The following OTOGL variants were observed in gnomAD, a reference collection of about 807,000 sequenced individuals.
OTOGL encodes the protein otogelin-like protein.
OTOGL carries 285 observed loss-of-function variants against 318.5 expected under a neutral mutation model. The observed-to-expected ratio is 0.89, with a 90% CI of 0.81 to 0.99. The LOEUF is 0.99. Among genes scored for constraint, OTOGL ranks in the 50% least tolerant of loss-of-function variants. The pLI is 0.00. For synonymous variants in OTOGL, 987 were observed against 936.5 expected, an observed-to-expected ratio of 1.05 and a Z score of -0.99; for missense variants, 2,899 against 2,845.6, an observed-to-expected ratio of 1.02 and a Z score of -0.43.
intron 11 of OTOGL, among the ~76,000 whole-genome samples, chr12:80,250,360 G>C (rs1468837722): frequency 6.6e-6 from 1 of 152,078 alleles, no homozygotes; most frequent in Non-Finnish European, 1.5e-5. Flanking sequence ...TAATGTGCCT[G>C]TCATGGTTCC....
intron 16 of OTOGL, 114 bp downstream of exon 16, chr12:80,255,299 A>C: frequency 9.6e-7 from 1 of 1,042,750 alleles, no homozygotes; most frequent in Non-Finnish European, 1.3e-6. Context: ...CTTAACACTA[A>C]GATGACATTG....
intron 18 of OTOGL, among the ~76,000 whole-genome samples, chr12:80,261,359 A>C (rs1188296711): frequency 2.6e-5 from 4 of 152,126 alleles, no homozygotes; most frequent in Non-Finnish European, 5.9e-5. Context: ...GTGGAATTGC[A>C]GTGTTTGTTT....
chr12:80,283,917 T>C (rs1249408474), intron 26 of OTOGL, among the ~76,000 whole-genome samples: 3 of 152,084 alleles, frequency 2.0e-5, no homozygotes, highest in African/African-American at 7.2e-5. Flanking sequence ...CGTGCAGGTT[T>C]GTTACATAGG....
chr12:80,322,363 G>T (rs1432282241), intron 34 of OTOGL, among the ~76,000 whole-genome samples: 1 of 152,154 alleles, frequency 6.6e-6, no homozygotes, highest in African/African-American at 2.4e-5. Context: ...GAGGCTTAGA[G>T]AACTGCAGCA....
intron 28 of OTOGL, among the ~76,000 whole-genome samples, chr12:80,304,573 T>C (rs959381989): frequency 2.0e-5 from 3 of 152,218 alleles, no homozygotes; most frequent in Non-Finnish European, 1.5e-5. Flanking sequence ...GATTGTATAT[T>C]GAAGTTATAG....
At chr12:80,220,061 A>G (rs1357347538) in intron 6 of OTOGL, 149 bp downstream of exon 6, 14 of 656,984 alleles carry the variant, frequency 2.1e-5, no homozygotes, top group Non-Finnish European at 3.3e-5. Flanking sequence ...TAATTTAGAA[A>G]CAAAGTAAAA....
chr12:80,276,160 G>T (rs1452099886), intron 24 of OTOGL, among the ~76,000 whole-genome samples: 1 of 151,754 alleles, frequency 6.6e-6, no homozygotes, highest in Admixed American at 6.6e-5. Context: ...TTTGGCTGGG[G>T]ATATAAGAAT....
intron 24 of OTOGL, among the ~76,000 whole-genome samples, chr12:80,274,518 A>C (rs1432063027): frequency 6.6e-6 from 1 of 152,086 alleles, no homozygotes; most frequent in Non-Finnish European, 1.5e-5. Flanking sequence ...AACTATCTCC[A>C]TAACATAAAA....
rs1442815078 is a variant in OTOGL at position 80,296,944 on chromosome 12, G to T, written c.3046G>T (p.Asp1016Tyr). The change falls in exon 27 of 59, where the codon GAT becomes TAT. Residue 1016 changes from aspartate to tyrosine, a missense_variant. Transcript: ENST00000547103. ...SVGDTEIYLN[D>Y]TPYKQKQSGF... is the part of the protein sequence containing the mutation. ...TGGGGACACTGAAATTTACCTGAATGATACTCCTTACAAACAGGTTAGTGA... is the reference window on the plus strand; with the variant it reads ...TGGGGACACTGAAATTTACCTGAATTATACTCCTTACAAACAGGTTAGTGA... 2 of 1,551,624 alleles carry T rather than the reference G, an allele frequency of 1.3e-6. No individual in the cohort carries two copies. Among genetic ancestry groups the T allele is most frequent in the Non-Finnish European group, 1.7e-6 (2 of 1,150,724 alleles).
At chr12:80,186,193 AGTT>A (rs1565892345) in intron 1 of OTOGL, among the ~76,000 whole-genome samples, 3 of 152,216 alleles carry the variant, frequency 2.0e-5, no homozygotes, top group South Asian at 2.1e-4. Context: ...GCTTCAAAAC[AGTT>A]GTTTTTTTCT....
chr12:80,190,644 G>A (rs1282337167), intron 1 of OTOGL, among the ~76,000 whole-genome samples: 1 of 151,926 alleles, frequency 6.6e-6, no homozygotes, highest in African/African-American at 2.4e-5. Context: ...AAAATTAGCC[G>A]GGCGTGGTGG....
intron 1 of OTOGL, among the ~76,000 whole-genome samples, chr12:80,130,729 T>G (rs936518251): frequency 6.6e-6 from 1 of 152,238 alleles, no homozygotes; most frequent in Non-Finnish European, 1.5e-5. Context: ...TAGGCTGATT[T>G]GCCAGAGAGC....
At chr12:80,359,000 T>C in intron 52 of OTOGL, 100 bp downstream of exon 52, 1 of 974,854 alleles carries the variant, frequency 1.0e-6, no homozygotes, top group Non-Finnish European at 1.5e-6. Flanking sequence ...GTTAATAAAA[T>C]TACCCACATT....
intron 57 of OTOGL, among the ~76,000 whole-genome samples, chr12:80,372,582 A>C (rs1204948896): frequency 6.6e-6 from 1 of 152,132 alleles, no homozygotes; most frequent in Non-Finnish European, 1.5e-5. Context: ...TTAGTAAATA[A>C]TATTTATATC....
intron 44 of OTOGL, among the ~76,000 whole-genome samples, chr12:80,350,401 T>C (rs1889470494): frequency 6.6e-6 from 1 of 152,232 alleles, no homozygotes; most frequent in Admixed American, 6.5e-5. Flanking sequence ...ACTGATTTCA[T>C]TTCCTTTGGA....
chr12:80,108,787 G>A (rs11114319), intron 1 of OTOGL, among the ~76,000 whole-genome samples: 17 of 106,208 alleles, frequency 1.6e-4, no homozygotes, highest in African/African-American at 3.2e-4. Context: ...ATATATATAT[G>A]TATATATATA....
chr12:80,131,146 G>T (rs1305401336), intron 1 of OTOGL: 1 of 151,902 alleles, frequency 6.6e-6, no homozygotes, highest in Non-Finnish European at 1.5e-5. Flanking sequence ...GTAAGGACTT[G>T]GTCACTACCA....
chr12:80,198,369 G>T (rs1876226991), intron 1 of OTOGL, among the ~76,000 whole-genome samples: 1 of 152,132 alleles, frequency 6.6e-6, no homozygotes, highest in Non-Finnish European at 1.5e-5. Context: ...GGCGGATCAT[G>T]AGGTCAGGAG....
chr12:80,336,638 G>T, intron 40 of OTOGL, 83 bp downstream of exon 40: 1 of 1,482,930 alleles, frequency 6.7e-7, no homozygotes. Flanking sequence ...TCTCACAGGA[G>T]GAGGGAGCTC....
Sources: gnomAD v4.1 joint callset for allele counts (sites outside exome capture counted in the v4.1 genomes callset) on GRCh38, gnomAD v4.1.1 for gene constraint, MANE v1.5 for transcripts, NCBI Gene and HGNC (gene_info 2026-07-23, HGNC 2026-07-21) for gene names.